PCDH15: variants seen among roughly 807,000 people sequenced by gnomAD.
The protein encoded by PCDH15 is protocadherin related 15, also known as protocadherin-15.
Under a neutral mutation model 178.5 loss-of-function variants are expected in PCDH15, and 129 were observed. The observed-to-expected ratio is 0.72, with a 90% confidence interval of 0.63 to 0.84. The LOEUF is 0.84. Ranked by LOEUF, PCDH15 falls within the 40% of genes least tolerant of loss-of-function variation. PCDH15 has a pLI of 0.00. For synonymous variants in PCDH15, 800 were observed against 732.0 expected (o/e 1.09, Z -1.50); for missense variants, 2,230 against 2,099.9 (o/e 1.06, Z -1.21).
intron 2 of PCDH15, among the ~76,000 whole-genome samples, chr10:54,944,701 T>C (rs1306694883): frequency 6.6e-6 from 1 of 151,890 alleles, no homozygotes; most frequent in Non-Finnish European, 1.5e-5. Context: ...AGCTATTGGG[T>C]GGTTTTATAC....
At chr10:53,987,350 A>G (rs1377082243) in intron 21 of PCDH15, among the ~76,000 whole-genome samples, 1 of 152,180 alleles carries the variant, frequency 6.6e-6, no homozygotes, top group African/African-American at 2.4e-5. Flanking sequence ...TACAAAGTGT[A>G]TATCCTCAAT....
rs185792121 is a variant in PCDH15, at chr10:54,953,466, G to A, written c.-79-55966C>T. Among the ~76,000 whole-genome samples the A allele has an allele frequency of 7.6e-3, 1,143 of 151,314 alleles. 16 individuals carry two copies. The highest frequency in any genetic ancestry group is 0.026 in the African/African-American group (1,087 of 41,432). ...GTTTCTGAACAGGAATTTATTTCCC[G>A]GTTTCCAAATTTCTAACAATTTTTC... On this transcript the variant is annotated intron_variant, in intron 2 of 5. Transcript: ENST00000458638.
chr10:55,101,952 A>T (rs1842585527), intron 2 of PCDH15, among the ~76,000 whole-genome samples: 1 of 151,752 alleles, frequency 6.6e-6, no homozygotes, highest in Non-Finnish European at 1.5e-5. Context: ...ATAAAATGTT[A>T]TATATCTATT....
chr10:54,691,273 G>A (rs768414296), intron 1 of PCDH15, among the ~76,000 whole-genome samples: 10 of 152,048 alleles, frequency 6.6e-5, no homozygotes, highest in African/African-American at 1.7e-4. Context: ...TTCTTAATGA[G>A]TAGTAATCTA....
chr10:55,337,650 T>C (rs1408302123), intron 2 of PCDH15, among the ~76,000 whole-genome samples: 2 of 152,208 alleles, frequency 1.3e-5, no homozygotes. Flanking sequence ...TACTTATTAA[T>C]AGTTTCATAT....
chr10:55,180,270 T>C (rs1282708261), intron 1 of PCDH15, among the ~76,000 whole-genome samples: 1 of 152,150 alleles, frequency 6.6e-6, no homozygotes, highest in Non-Finnish European at 1.5e-5. Flanking sequence ...TAATGTAGGC[T>C]GGCTCCAGTT....
At chr10:55,457,931 T>C (rs1027522564) in intron 2 of PCDH15, among the ~76,000 whole-genome samples, 15 of 152,120 alleles carry the variant, frequency 9.9e-5, no homozygotes, top group Admixed American at 7.2e-4. Flanking sequence ...ATATGTCTTT[T>C]AGTTTTCTTA....
chr10:55,321,306 A>T (rs1465862984), upstream of PCDH15, among the ~76,000 whole-genome samples: 2 of 152,160 alleles, frequency 1.3e-5, no homozygotes, highest in Non-Finnish European at 2.9e-5. Context: ...TTTAAAAAAT[A>T]AAGGAGAATG....
intron 2 of PCDH15, among the ~76,000 whole-genome samples, chr10:55,031,467 G>T (rs1840606703): frequency 1.3e-5 from 2 of 152,116 alleles, no homozygotes. Flanking sequence ...TTTTAAATTG[G>T]TTATTTCAAG....
chr10:54,566,674 A>C (rs2133470605), intron 2 of PCDH15, among the ~76,000 whole-genome samples: 1 of 152,244 alleles, frequency 6.6e-6, no homozygotes, highest in Middle Eastern at 3.4e-3. Flanking sequence ...TTGATAGTAC[A>C]CTTACTTTTA....
chr10:55,035,687 T>A (rs997547724), intron 2 of PCDH15, among the ~76,000 whole-genome samples: 31 of 152,146 alleles, frequency 2.0e-4, no homozygotes, highest in Admixed American at 1.1e-3. Context: ...ATTCAGTAAA[T>A]GAGGTATGGA....
At chr10:54,191,865 G>A (rs1030637224) in intron 11 of PCDH15, among the ~76,000 whole-genome samples, 4 of 151,462 alleles carry the variant, frequency 2.6e-5, no homozygotes, top group African/African-American at 2.4e-5. Flanking sequence ...AGGTTGCAGT[G>A]AGCCTGGATT....
At chr10:55,517,457 G>T (rs975816133) in intron 2 of PCDH15, among the ~76,000 whole-genome samples, 7 of 151,974 alleles carry the variant, frequency 4.6e-5, no homozygotes, top group Non-Finnish European at 8.8e-5. Flanking sequence ...TGGATGCCTG[G>T]CTTTTACTCT....
intron 6 of PCDH15, among the ~76,000 whole-genome samples, chr10:54,343,399 T>C (rs1303729165): frequency 4.6e-5 from 7 of 152,136 alleles, no homozygotes; most frequent in African/African-American, 1.7e-4. Context: ...TTTGCTGTGA[T>C]TGTAAGTTTC....
intron 1 of PCDH15, among the ~76,000 whole-genome samples, chr10:54,690,897 AT>A (rs751267236): frequency 1.2e-4 from 18 of 152,098 alleles, no homozygotes; most frequent in South Asian, 4.1e-4. Context: ...AAAATGTCCA[AT>A]TTTTTTCTCA....
intron 1 of PCDH15, among the ~76,000 whole-genome samples, chr10:55,207,679 T>C (rs369073585): frequency 2.6e-5 from 4 of 152,154 alleles, no homozygotes; most frequent in Non-Finnish European, 5.9e-5. Flanking sequence ...TTCAAATTAA[T>C]ACATACAGGC....
chr10:55,312,440 T>C (rs1479596404), intron 1 of PCDH15, among the ~76,000 whole-genome samples: 1 of 152,082 alleles, frequency 6.6e-6, no homozygotes, highest in Non-Finnish European at 1.5e-5. Flanking sequence ...AATGAGACAA[T>C]TTCTCATGGA....
intron 2 of PCDH15, among the ~76,000 whole-genome samples, chr10:55,032,382 G>A (rs1840634257): frequency 6.6e-6 from 1 of 152,162 alleles, no homozygotes; most frequent in Non-Finnish European, 1.5e-5. Context: ...CCAGGGATTT[G>A]TTAACTGATT....
At chr10:54,655,168 G>C (rs1022038533) in intron 2 of PCDH15, 1 of 151,460 alleles carries the variant, frequency 6.6e-6, no homozygotes. Flanking sequence ...CCGAGATCGC[G>C]CCACTGCACT....
Sources: gnomAD v4.1 joint callset for allele counts (sites outside exome capture counted in the v4.1 genomes callset) on GRCh38, gnomAD v4.1.1 for gene constraint, MANE v1.5 for transcripts, NCBI Gene and HGNC (gene_info 2026-07-23, HGNC 2026-07-21) for gene names.